Variants in GRIP1 observed in about 807,000 individuals in gnomAD.
GRIP1 encodes the protein glutamate receptor-interacting protein 1.
In GRIP1, 45 loss-of-function variants were observed where a neutral mutation model predicts 129.9. That is an observed-to-expected ratio of 0.35 (90% CI 0.27 to 0.44). The LOEUF is 0.44. GRIP1 is among the 20% of genes least tolerant of loss of function. The probability of loss-of-function intolerance (pLI) is 1.00; values close to 1 mark genes in which losing one functional copy is unlikely to be tolerated. For synonymous variants in GRIP1, 530 were observed against 520.8 expected (o/e 1.02, Z -0.24); for missense variants, 1,196 against 1,396.8 (o/e 0.86, Z 2.29).
chr12:66,884,391 C>T (rs1436654241), intron 1 of GRIP1, among the ~76,000 whole-genome samples: 3 of 152,084 alleles, frequency 2.0e-5, no homozygotes, highest in Admixed American at 1.3e-4. Flanking sequence ...CAGAAGGCTA[C>T]GGCTAGAAAA....
At chr12:66,480,183 C>T (rs1395682398) in intron 7 of GRIP1, among the ~76,000 whole-genome samples, 1 of 151,988 alleles carries the variant, frequency 6.6e-6, no homozygotes. Flanking sequence ...TCATGTCAGC[C>T]CCAAATCTTT....
intron 1 of GRIP1, among the ~76,000 whole-genome samples, chr12:66,856,907 T>C (rs1207017393): frequency 6.6e-6 from 1 of 152,162 alleles, no homozygotes; most frequent in East Asian, 1.9e-4. Flanking sequence ...CATGCTGCCA[T>C]AGAGACTCAT....
intron 1 of GRIP1, among the ~76,000 whole-genome samples, chr12:66,884,321 T>C (rs960509162): frequency 1.8e-4 from 2 of 11,332 alleles, no homozygotes; most frequent in Non-Finnish European, 3.7e-3. Flanking sequence ...ATTTGAGAAA[T>C]TGCCCTCTCC....
At chr12:66,521,942 T>C (rs536144963) in intron 5 of GRIP1, among the ~76,000 whole-genome samples, 1 of 152,266 alleles carries the variant, frequency 6.6e-6, no homozygotes, top group East Asian at 1.9e-4. Context: ...AAGGCGGCAG[T>C]GAGGCTGGGG....
At chr12:66,726,764 G>C (rs1388970659) in intron 1 of GRIP1, among the ~76,000 whole-genome samples, 2 of 152,166 alleles carry the variant, frequency 1.3e-5, no homozygotes, top group Non-Finnish European at 2.9e-5. Flanking sequence ...AAGCATCGCT[G>C]AGCTGGAAGA....
chr12:66,530,848 G>A (rs1302090471), intron 4 of GRIP1, among the ~76,000 whole-genome samples: 1 of 151,804 alleles, frequency 6.6e-6, no homozygotes, highest in Admixed American at 6.6e-5. Flanking sequence ...TTTTGAATTT[G>A]TACCTAGTTA....
intron 15 of GRIP1, among the ~76,000 whole-genome samples, chr12:66,416,453 G>C (rs377624902): frequency 6.6e-6 from 1 of 151,962 alleles, no homozygotes; most frequent in African/African-American, 2.4e-5. Context: ...ACAATGCAAA[G>C]ATCAATGAAA....
intron 1 of GRIP1, among the ~76,000 whole-genome samples, chr12:66,817,730 G>A (rs1030932718): frequency 6.6e-6 from 1 of 152,032 alleles, no homozygotes; most frequent in African/African-American, 2.4e-5. Context: ...TTTAAAATAT[G>A]TTTATTACTA....
intron 1 of GRIP1, among the ~76,000 whole-genome samples, chr12:66,934,826 C>A (rs377759053): frequency 6.6e-6 from 1 of 152,182 alleles, no homozygotes; most frequent in South Asian, 2.1e-4. Context: ...CAGTAAGCAA[C>A]TGAACAAATA....
At chr12:66,866,472 C>T (rs1230756835) in intron 1 of GRIP1, among the ~76,000 whole-genome samples, 1 of 152,060 alleles carries the variant, frequency 6.6e-6, no homozygotes. Context: ...ATTGTCAGGT[C>T]AACTGTAGAA....
At chr12:66,586,003 C>CA (rs1450976434) in intron 2 of GRIP1, among the ~76,000 whole-genome samples, 2 of 152,190 alleles carry the variant, frequency 1.3e-5, no homozygotes, top group Non-Finnish European at 2.9e-5. Flanking sequence ...TCATCCGCAT[C>CA]AGCACACGAA....
intron 2 of GRIP1, among the ~76,000 whole-genome samples, chr12:66,594,189 A>G (rs962543070): frequency 7.2e-5 from 11 of 151,826 alleles, no homozygotes; most frequent in Admixed American, 5.9e-4. Context: ...CTGCATGGAG[A>G]AGGTCAGAAA....
intron 1 of GRIP1, among the ~76,000 whole-genome samples, chr12:66,797,425 G>A (rs2038731889): frequency 6.6e-6 from 1 of 151,980 alleles, no homozygotes; most frequent in African/African-American, 2.4e-5. Context: ...CTCTCTCTGG[G>A]GTCTTCAGCA....
At chr12:66,651,554 C>T (rs1256666024) in intron 1 of GRIP1, among the ~76,000 whole-genome samples, 1 of 152,172 alleles carries the variant, frequency 6.6e-6, no homozygotes, top group Admixed American at 6.5e-5. Flanking sequence ...GCAAATGTAG[C>T]TGCTGAAAGA....
At chr12:66,663,771 A>G (rs7977133) in intron 1 of GRIP1, among the ~76,000 whole-genome samples, 2,688 of 152,306 alleles carry the variant, frequency 0.018, 68 homozygotes, top group African/African-American at 0.061. Flanking sequence ...ACAATACCAG[A>G]GAATACTGGC....
At chr12:66,870,854 G>A (rs2040284097) in intron 1 of GRIP1, among the ~76,000 whole-genome samples, 1 of 152,056 alleles carries the variant, frequency 6.6e-6, no homozygotes, top group Admixed American at 6.6e-5. Flanking sequence ...TGCCAATTTG[G>A]TCTCCCTGCC....
At chr12:66,721,766 C>T (rs1284636286) in intron 1 of GRIP1, among the ~76,000 whole-genome samples, 1 of 152,200 alleles carries the variant, frequency 6.6e-6, no homozygotes, top group African/African-American at 2.4e-5. Flanking sequence ...GTTGTTTATA[C>T]TGGCCCCTTT....
rs1015392234 is a variant in GRIP1 at position 66,347,489 on chromosome 12, G to A, written c.*1530C>T. On this transcript the variant is annotated 3_prime_UTR_variant, in exon 25 of 25. Coordinates refer to ENST00000359742, the MANE Select transcript of GRIP1 (RefSeq NM_001366722.1). ...TCACTGTTTATTCCATTTGGTAGAG[G>A]GTTTTATTTTTTTCCATACAAATAT... 1.3e-5 allele frequency: 2 copies of A among 151,848 alleles called. No individual in the cohort carries two copies. The highest frequency in any genetic ancestry group is 2.9e-5 in the Non-Finnish European group (2 of 67,980). 9.4% of individuals were successfully genotyped at this position (151,848 alleles called of 1,614,324 possible). A position where few individuals can be genotyped will look rare whatever the true frequency, so the allele number is the denominator to read the frequency against.
intron 1 of GRIP1, among the ~76,000 whole-genome samples, chr12:66,621,236 A>G (rs1372336370): frequency 6.6e-6 from 1 of 152,038 alleles, no homozygotes; most frequent in Non-Finnish European, 1.5e-5. Context: ...CCAAACTGAA[A>G]CTTTGTACTA....
Sources: gnomAD v4.1 joint callset for allele counts (sites outside exome capture counted in the v4.1 genomes callset) on GRCh38, gnomAD v4.1.1 for gene constraint, MANE v1.5 for transcripts, NCBI Gene and HGNC (gene_info 2026-07-23, HGNC 2026-07-21) for gene names.